The following CACNA2D1 variants were observed in gnomAD, a reference collection of about 807,000 sequenced individuals.
CACNA2D1 encodes the protein calcium voltage-gated channel auxiliary subunit alpha2delta 1.
Under a neutral mutation model 171.5 loss-of-function variants are expected in CACNA2D1, and 53 were observed. The observed-to-expected ratio is 0.31, with a 90% CI of 0.25 to 0.39. The LOEUF (loss-of-function observed/expected upper bound fraction) is 0.39, where lower values mean the gene tolerates loss of function less well. Ranked by LOEUF, CACNA2D1 falls within the 10% of genes least tolerant of loss-of-function variation. The pLI, the probability that CACNA2D1 is intolerant of heterozygous loss-of-function variation, is 1.00. For synonymous variants in CACNA2D1, 442 were observed against 443.1 expected, an observed-to-expected ratio of 1.00 and a Z score of 0.03; for missense variants, 903 against 1,299.8, an observed-to-expected ratio of 0.69 and a Z score of 4.69.
intron 3 of CACNA2D1, among the ~76,000 whole-genome samples, chr7:82,217,681 T>C (rs1020398438): frequency 6.7e-6 from 1 of 149,610 alleles, no homozygotes; most frequent in Non-Finnish European, 1.5e-5. Flanking sequence ...ATCATCATAA[T>C]TGGTATAGGT....
At chr7:82,376,213 G>A (rs867048878) in intron 1 of CACNA2D1, among the ~76,000 whole-genome samples, 6 of 152,182 alleles carry the variant, frequency 3.9e-5, no homozygotes, top group East Asian at 1.9e-4. Context: ...ATATTTATCC[G>A]TCTTGCCATA....
intron 10 of CACNA2D1, among the ~76,000 whole-genome samples, chr7:82,057,392 T>C (rs890247562): frequency 6.6e-6 from 1 of 152,130 alleles, no homozygotes; most frequent in Non-Finnish European, 1.5e-5. Context: ...CTTCTTGTCA[T>C]TGAGACTTCA....
chr7:82,287,095 A>T (rs904230667), intron 3 of CACNA2D1, among the ~76,000 whole-genome samples: 1 of 152,170 alleles, frequency 6.6e-6, no homozygotes. Context: ...CTTTTTAATC[A>T]TATATGTCTC....
At chr7:82,349,312 A>G (rs905068312) in intron 2 of CACNA2D1, among the ~76,000 whole-genome samples, 2 of 152,186 alleles carry the variant, frequency 1.3e-5, no homozygotes, top group Admixed American at 6.5e-5. Context: ...GAGAGTATAC[A>G]TAACACGCAG....
chr7:82,054,504 T>C lies in CACNA2D1; in HGVS notation c.879+5924A>G, dbSNP rs1046444704. On this transcript the variant is annotated intron_variant, in intron 10 of 38. Transcript: ENST00000356860. ...AGCTGCACTCACTCACAGTGGAAAC[T>C]TGTTTGAAGATGAATCATTTATTAA... Among the ~76,000 whole-genome samples the C allele has an allele frequency of 3.9e-5, 6 of 152,226 alleles. 1 individual carries two copies. The highest frequency in any genetic ancestry group is 3.9e-4 in the Admixed American group (6 of 15,282).
chr7:82,366,850 T>C (rs1398076938), intron 1 of CACNA2D1, among the ~76,000 whole-genome samples: 3 of 150,570 alleles, frequency 2.0e-5, no homozygotes, highest in African/African-American at 2.4e-5. Context: ...CCACCAATAA[T>C]GTATAAGTGG....
At chr7:82,185,339 A>G (rs1797551061) in intron 3 of CACNA2D1, among the ~76,000 whole-genome samples, 2 of 126,890 alleles carry the variant, frequency 1.6e-5, no homozygotes, top group Non-Finnish European at 3.5e-5. Context: ...CATTAGGCCA[A>G]ATGGAGGTTA....
intron 38 of CACNA2D1, among the ~76,000 whole-genome samples, chr7:81,951,804 C>A (rs145736906): frequency 6.6e-6 from 1 of 151,832 alleles, no homozygotes; most frequent in Non-Finnish European, 1.5e-5. Context: ...AACATGCATG[C>A]GCAAGTGTCT....
intron 4 of CACNA2D1, among the ~76,000 whole-genome samples, chr7:82,151,354 CA>C (rs1486935822): frequency 6.6e-6 from 1 of 152,026 alleles, no homozygotes; most frequent in Non-Finnish European, 1.5e-5. Context: ...AAATTACAGA[CA>C]AAGTTGTACC....
intron 19 of CACNA2D1, 127 bp downstream of exon 19, chr7:81,997,052 T>C: frequency 1.4e-6 from 1 of 708,360 alleles, no homozygotes; most frequent in Non-Finnish European, 2.6e-6. Context: ...CAAAGAACAT[T>C]CATCTTTGTG....
chr7:82,290,296 ATTG>A (rs965594452), intron 3 of CACNA2D1, among the ~76,000 whole-genome samples: 1 of 152,234 alleles, frequency 6.6e-6, no homozygotes, highest in Admixed American at 6.5e-5. Flanking sequence ...GGAGGCATTA[ATTG>A]TTGTTATTTT....
intron 3 of CACNA2D1, among the ~76,000 whole-genome samples, chr7:82,251,838 C>G (rs1435351672): frequency 2.6e-5 from 4 of 152,112 alleles, no homozygotes; most frequent in African/African-American, 4.8e-5. Flanking sequence ...AAATCTGGAC[C>G]TATCTGATGA....
intron 3 of CACNA2D1, among the ~76,000 whole-genome samples, chr7:82,276,540 G>C (rs1226452325): frequency 1.3e-5 from 2 of 152,160 alleles, no homozygotes; most frequent in African/African-American, 4.8e-5. Flanking sequence ...GGTGGCAAGA[G>C]TGTCCTCCCC....
chr7:82,182,947 G>T (rs139514819), intron 3 of CACNA2D1, among the ~76,000 whole-genome samples: 1 of 151,290 alleles, frequency 6.6e-6, no homozygotes, highest in Admixed American at 6.6e-5. Flanking sequence ...TGAGGCAGGA[G>T]AATCACGTGA....
intron 3 of CACNA2D1, among the ~76,000 whole-genome samples, chr7:82,252,733 T>C (rs1805801850): frequency 6.6e-6 from 1 of 151,736 alleles, no homozygotes; most frequent in Non-Finnish European, 1.5e-5. Flanking sequence ...CTACTAAAAA[T>C]ACAAAAATTA....
chr7:82,053,048 T>C (rs1054663753), intron 10 of CACNA2D1, among the ~76,000 whole-genome samples: 1 of 151,962 alleles, frequency 6.6e-6, no homozygotes, highest in African/African-American at 2.4e-5. Flanking sequence ...GTCAAGAGAT[T>C]GAGACCATCC....
intron 3 of CACNA2D1, among the ~76,000 whole-genome samples, chr7:82,172,872 GAATAA>G (rs1435362474): frequency 1.3e-5 from 2 of 150,164 alleles, no homozygotes; most frequent in Non-Finnish European, 3.0e-5. Flanking sequence ...ACAAAATTCT[GAATAA>G]AATACTAAAC....
intron 1 of CACNA2D1, among the ~76,000 whole-genome samples, chr7:82,357,718 G>C (rs939367910): frequency 7.2e-6 from 1 of 139,126 alleles, no homozygotes; most frequent in African/African-American, 2.6e-5. Flanking sequence ...TTGTGGGGTG[G>C]GGGGTGGGGG....
intron 10 of CACNA2D1, among the ~76,000 whole-genome samples, chr7:82,047,515 T>C (rs1804690439): frequency 6.6e-6 from 1 of 152,166 alleles, no homozygotes; most frequent in Admixed American, 6.5e-5. Flanking sequence ...ATACTGATCA[T>C]ATGAGTGAGG....
Sources: gnomAD v4.1 joint callset for allele counts (sites outside exome capture counted in the v4.1 genomes callset) on GRCh38, gnomAD v4.1.1 for gene constraint, MANE v1.5 for transcripts, NCBI Gene and HGNC (gene_info 2026-07-23, HGNC 2026-07-21) for gene names.